The following DIP2A variants were observed in gnomAD, a reference collection of about 807,000 sequenced individuals.
The protein encoded by DIP2A is disco-interacting protein 2 homolog A.
In DIP2A, 85 loss-of-function variants were observed where a neutral mutation model predicts 177.4. The observed-to-expected ratio is 0.48, with a 90% CI of 0.40 to 0.57. The LOEUF is 0.57. DIP2A is among the 20% of genes least tolerant of loss of function. The pLI is 0.00. For synonymous variants in DIP2A, 886 were observed against 881.8 expected (o/e 1.00, Z -0.08); for missense variants, 1,791 against 2,100.2 (o/e 0.85, Z 2.88).
rs577667373 is a variant in DIP2A, at chr21:46,507,803, C to T, written c.785-1454C>T. Reference sequence around the variant, plus strand: ...GCAGCCTCTGCCTTCTGGTGTCAAGCGATTCTCCTGCCTTAGCCTCCCAAG... The same window carrying T: ...GCAGCCTCTGCCTTCTGGTGTCAAGTGATTCTCCTGCCTTAGCCTCCCAAG... On this transcript the variant is annotated intron_variant, in intron 6 of 37. Transcript: ENST00000417564. Among the ~76,000 whole-genome samples, 12 of 146,184 alleles carry T rather than the reference C, an allele frequency of 8.2e-5. 1 individual carries two copies. In the South Asian group the frequency reaches 2.6e-3, roughly 31 times the overall value.
At chr21:46,561,995 T>C (rs2060681341) in intron 34 of DIP2A, 190 bp downstream of exon 34, 1 of 881,390 alleles carries the variant, frequency 1.1e-6, no homozygotes, top group African/African-American at 1.8e-5. Flanking sequence ...TTAGTTATGT[T>C]TTTAAACACA....
chr21:46,489,371 G>T (rs920362808), intron 2 of DIP2A, among the ~76,000 whole-genome samples: 1 of 152,178 alleles, frequency 6.6e-6, no homozygotes, highest in Admixed American at 6.5e-5. Flanking sequence ...AACATCCTGT[G>T]AGGGCTCCTC....
chr21:46,465,142 G>C (rs988958298), intron 1 of DIP2A, among the ~76,000 whole-genome samples: 2 of 152,086 alleles, frequency 1.3e-5, no homozygotes, highest in Non-Finnish European at 2.9e-5. Flanking sequence ...TAATGTGACT[G>C]CTTTCTCAGA....
At chr21:46,559,865 T>C (rs1466696722) in intron 32 of DIP2A, among the ~76,000 whole-genome samples, 1 of 152,182 alleles carries the variant, frequency 6.6e-6, no homozygotes, top group Non-Finnish European at 1.5e-5. Flanking sequence ...GCTGAGCAGG[T>C]ATGACCTTGA....
chr21:46,566,506 C>T, intron 36 of DIP2A, 54 bp from the exon 37 acceptor site: 1 of 1,611,266 alleles, frequency 6.2e-7, no homozygotes, highest in Non-Finnish European at 8.5e-7. Flanking sequence ...TACGAATGTC[C>T]AGACTCTGCA....
At chr21:46,482,179 T>C (rs2056386828) in intron 1 of DIP2A, among the ~76,000 whole-genome samples, 1 of 152,208 alleles carries the variant, frequency 6.6e-6, no homozygotes, top group Non-Finnish European at 1.5e-5. Context: ...CAGTCAGGAA[T>C]GAAAGAGGCC....
At chr21:46,545,048 A>G (rs1569080990) in intron 18 of DIP2A, 89 bp from the exon 19 acceptor site, 2 of 1,348,448 alleles carry the variant, frequency 1.5e-6, no homozygotes, top group South Asian at 1.6e-5. Context: ...TCCTGTTTCC[A>G]TAACCGCACA....
chr21:46,565,922 G>C (rs760332783), intron 36 of DIP2A, 35 bp downstream of exon 36: 5 of 1,609,990 alleles, frequency 3.1e-6, no homozygotes, highest in Admixed American at 3.3e-5. Flanking sequence ...CGTGAGTGCT[G>C]TGCGGGGAGG....
At chr21:46,502,439 T>C (rs2057704449) in intron 5 of DIP2A, among the ~76,000 whole-genome samples, 3 of 6,220 alleles carry the variant, frequency 4.8e-4, no homozygotes, top group Admixed American at 4.6e-3. Flanking sequence ...TAGTGTTGAT[T>C]TTTTTTTTTT....
chr21:46,553,023 A>G (rs2060328292), intron 25 of DIP2A: 1 of 152,442 alleles, frequency 6.6e-6, no homozygotes, highest in Non-Finnish European at 1.5e-5. Context: ...AAAGGAGGCC[A>G]GTGTGGTGGG....
At position 46,463,717 on chromosome 21, in the gene DIP2A, TG is replaced by T. The variant is rs775651886; in HGVS notation, c.91+4496del. Among the ~76,000 whole-genome samples, 870 of 123,056 alleles carry T rather than the reference TG, an allele frequency of 7.1e-3. 7 individuals are homozygous for T. Among genetic ancestry groups the T allele is most frequent in the African/African-American group, 0.018 (433 of 23,842 alleles). 80.7% of individuals were successfully genotyped at this position (123,056 alleles called of 152,430 possible). On this transcript the variant is annotated intron_variant, in intron 1 of 37. Coordinates refer to ENST00000417564, the MANE Select transcript of DIP2A (RefSeq NM_015151.4). ...GTGTGTGTGTGTGTGTGTGTGTGTG[TG>T]TATATTTTGAGACGGAGTCTCACTC... is the stretch of plus-strand genomic sequence containing the variant.
At chr21:46,558,013 G>A (rs1049727844) in intron 31 of DIP2A, among the ~76,000 whole-genome samples, 21 of 152,218 alleles carry the variant, frequency 1.4e-4, no homozygotes, top group Admixed American at 1.2e-3. Context: ...GTCTGGCCGC[G>A]TGGGAGGGCA....
At chr21:46,482,669 G>T (rs1021479228) in intron 1 of DIP2A, among the ~76,000 whole-genome samples, 5 of 152,254 alleles carry the variant, frequency 3.3e-5, no homozygotes, top group African/African-American at 1.2e-4. Flanking sequence ...TATTACCCTT[G>T]TGCACTACTC....
intron 8 of DIP2A, among the ~76,000 whole-genome samples, chr21:46,517,803 G>A (rs2058653606): frequency 6.6e-6 from 1 of 152,216 alleles, no homozygotes; most frequent in Admixed American, 6.5e-5. Context: ...GACTGCTCCA[G>A]GTGGATACTC....
At chr21:46,474,765 G>A (rs993568530) in intron 1 of DIP2A, among the ~76,000 whole-genome samples, 2 of 152,086 alleles carry the variant, frequency 1.3e-5, no homozygotes, top group African/African-American at 4.8e-5. Context: ...CTATAGCTGC[G>A]CACCCCCACA....
chr21:46,533,494 C>G, intron 10 of DIP2A, 30 bp from the exon 11 acceptor site: 1 of 1,606,018 alleles, frequency 6.2e-7, no homozygotes, highest in Non-Finnish European at 8.5e-7. Flanking sequence ...GTGAGCACCC[C>G]ACCCCACACG....
chr21:46,462,985 T>TA (rs2054457718), intron 1 of DIP2A: 1 of 152,212 alleles, frequency 6.6e-6, no homozygotes, highest in African/African-American at 2.4e-5. Context: ...GAATTTCTGT[T>TA]ATAGATTCCC....
intron 1 of DIP2A, 64 bp from the exon 2 acceptor site, chr21:46,484,693 T>G: frequency 5.9e-6 from 8 of 1,351,850 alleles, no homozygotes; most frequent in Non-Finnish European, 8.1e-6. Flanking sequence ...CATAAATTGA[T>G]GTTTAATTTT....
rs888842483 is a variant in DIP2A at position 46,563,447 on chromosome 21, C to T, written c.4090-411C>T. On this transcript the variant is annotated intron_variant, in intron 34 of 37. Transcript: ENST00000417564. This position sits in a 1 kb window ranked among gnomAD's most constrained non-coding sequence, Gnocchi z 4.3. ...GGTTGGACTGACTCGGAGTCACGGG[C>T]AGGAAGAACTTCCTCATGGTCAGGT... Among the ~76,000 whole-genome samples, 2 of 152,170 alleles carry T rather than the reference C, an allele frequency of 1.3e-5. No homozygotes were observed. The highest frequency in any genetic ancestry group is 2.9e-5 in the Non-Finnish European group (2 of 68,020).
Sources: allele counts gnomAD v4.1 joint callset (sites outside exome capture counted in the v4.1 genomes callset), GRCh38; gene constraint gnomAD v4.1.1; non-coding constraint Gnocchi (gnomAD v3.1); transcripts MANE v1.5; gene names NCBI Gene and HGNC (gene_info 2026-07-23, HGNC 2026-07-21).